Variants in ERC2 observed in about 807,000 individuals in gnomAD.
ERC2 encodes ELKS/RAB6-interacting/CAST family member 2.
ERC2 carries 42 observed loss-of-function variants against 114.8 expected under a neutral mutation model. The observed-to-expected ratio is 0.37, with a 90% CI of 0.29 to 0.47. ERC2 has a LOEUF of 0.47. Ranked by LOEUF, ERC2 falls within the 20% of genes least tolerant of loss-of-function variation. The pLI, the probability that ERC2 is intolerant of heterozygous loss-of-function variation, is 0.99. For missense variants in ERC2, 939 were observed against 1,150.7 expected, an observed-to-expected ratio of 0.82 and a Z score of 2.66; for synonymous variants, 454 against 425.5, an observed-to-expected ratio of 1.07 and a Z score of -0.82.
intron 14 of ERC2, among the ~76,000 whole-genome samples, chr3:55,828,468 G>GCAGCAGGCGCAGCAGGGGCAGCAGGGA (rs2060426490): frequency 6.6e-6 from 1 of 150,522 alleles, no homozygotes; most frequent in Non-Finnish European, 1.5e-5. Context: ...GGCAGCAGGG[G>GCAGCAGGCGCAGCAGGGGCAGCAGGGA]CAGCAGGGGC....
intron 3 of ERC2, among the ~76,000 whole-genome samples, chr3:56,229,879 T>C (rs2050501038): frequency 7.2e-6 from 1 of 139,176 alleles, no homozygotes; most frequent in Admixed American, 7.2e-5. Context: ...TTTTTTTTTT[T>C]TTTTTTTTTT....
intron 14 of ERC2, among the ~76,000 whole-genome samples, chr3:55,827,337 AG>A (rs1319981485): frequency 6.6e-6 from 1 of 151,922 alleles, no homozygotes; most frequent in East Asian, 1.9e-4. Flanking sequence ...AAAAAGAAAG[AG>A]GGACGGAGGA....
chr3:55,632,674 T>C (rs1472972217), intron 17 of ERC2, among the ~76,000 whole-genome samples: 1 of 152,160 alleles, frequency 6.6e-6, no homozygotes, highest in African/African-American at 2.4e-5. Context: ...CAAAAGAAGA[T>C]GTAACTCACC....
intron 2 of ERC2, among the ~76,000 whole-genome samples, chr3:56,357,238 C>T (rs1020334137): frequency 2.0e-5 from 3 of 152,228 alleles, no homozygotes; most frequent in Non-Finnish European, 4.4e-5. Context: ...TCTGGACTTA[C>T]CCACAGTAAC....
intron 17 of ERC2, among the ~76,000 whole-genome samples, chr3:55,625,079 T>C (rs903852665): frequency 6.6e-6 from 1 of 152,040 alleles, no homozygotes. Flanking sequence ...TTAAAAGAAA[T>C]AGCTTAGGCC....
rs577014048 is a variant in ERC2, at chr3:55,510,997, T to C, written c.*319A>G. 2 of 152,484 alleles carry C rather than the reference T, an allele frequency of 1.3e-5. No homozygotes were observed. Among genetic ancestry groups the C allele is most frequent in the South Asian group, 4.1e-4 (2 of 4,824 alleles). The allele number at this position is 152,484 out of a possible 1,614,324, so 9.4% of individuals were successfully genotyped here. A position where few individuals can be genotyped will look rare whatever the true frequency, so the allele number is the denominator to read the frequency against. ...TGACATTCAGCAAAGATGATCACAT[T>C]CAAAATGCCCGCATCCCAACAAAAA... On this transcript the variant is annotated 3_prime_UTR_variant, in exon 18 of 18. Transcript: ENST00000288221.
intron 3 of ERC2, among the ~76,000 whole-genome samples, chr3:56,204,260 G>A (rs540223614): frequency 3.9e-5 from 6 of 152,198 alleles, no homozygotes; most frequent in African/African-American, 1.4e-4. Context: ...TGAGGACAGG[G>A]GTTGTTTGTC....
At chr3:55,737,738 C>G (rs1481826667) in intron 14 of ERC2, among the ~76,000 whole-genome samples, 1 of 152,176 alleles carries the variant, frequency 6.6e-6, no homozygotes, top group Admixed American at 6.5e-5. Context: ...AAACAATTCT[C>G]TATGAGTCTC....
chr3:56,179,568 G>C (rs891771566), intron 3 of ERC2, among the ~76,000 whole-genome samples: 3 of 152,116 alleles, frequency 2.0e-5, no homozygotes, highest in Admixed American at 6.6e-5. Flanking sequence ...CATGGTAGCA[G>C]AGTGGAGGCA....
At chr3:55,819,933 G>A (rs918826114) in intron 14 of ERC2, among the ~76,000 whole-genome samples, 1 of 152,214 alleles carries the variant, frequency 6.6e-6, no homozygotes, top group Non-Finnish European at 1.5e-5. Context: ...CATTTTGGCT[G>A]CGTGCAATGG....
chr3:56,289,602 C>T (rs140609224), intron 3 of ERC2, among the ~76,000 whole-genome samples: 1 of 152,308 alleles, frequency 6.6e-6, no homozygotes, highest in East Asian at 1.9e-4. Context: ...CCAAACTCAC[C>T]GTGCCTCAAA....
intron 13 of ERC2, among the ~76,000 whole-genome samples, chr3:55,915,080 T>C (rs551882420): frequency 2.0e-5 from 3 of 152,298 alleles, no homozygotes; most frequent in East Asian, 3.9e-4. Flanking sequence ...ATCGTTGAAA[T>C]GCTCATATCC....
chr3:56,274,049 C>A (rs192248463), intron 3 of ERC2, among the ~76,000 whole-genome samples: 6 of 152,186 alleles, frequency 3.9e-5, no homozygotes, highest in Non-Finnish European at 7.3e-5. Flanking sequence ...GGTATCCAAA[C>A]TCCAGGCCGC....
intron 5 of ERC2, among the ~76,000 whole-genome samples, chr3:56,140,455 T>C (rs2080787999): frequency 6.6e-6 from 1 of 152,230 alleles, no homozygotes. Context: ...CTTTTTTTCC[T>C]ACTCAATCTT....
At chr3:56,257,040 A>G (rs781422081) in intron 3 of ERC2, among the ~76,000 whole-genome samples, 14 of 152,186 alleles carry the variant, frequency 9.2e-5, no homozygotes, top group Non-Finnish European at 1.6e-4. Context: ...ACCAGCTTCC[A>G]TATCTTTTAA....
rs2062003692 is a variant in ERC2, at chr3:56,436,040, G to C, written c.-140-893C>G. On this transcript the variant is annotated intron_variant, in intron 1 of 17. Coordinates refer to ENST00000288221, the MANE Select transcript of ERC2 (RefSeq NM_015576.3). ...ACTAGTGAAGATTTTATGTAGCTGG[G>C]GCTACAGCATTGTGAGTATCCCTTC... Among the ~76,000 whole-genome samples, 3 of 152,108 alleles carry C rather than the reference G, an allele frequency of 2.0e-5. No individual in the cohort carries two copies. In the South Asian group the frequency reaches 6.2e-4, roughly 32 times the overall value.
chr3:56,271,227 TC>T (rs2053636008), intron 3 of ERC2, among the ~76,000 whole-genome samples: 2 of 152,140 alleles, frequency 1.3e-5, no homozygotes, highest in Non-Finnish European at 2.9e-5. Context: ...TCCCAGGATT[TC>T]CCCAGCCTTA....
intron 14 of ERC2, among the ~76,000 whole-genome samples, chr3:55,745,029 T>A (rs573486614): frequency 3.7e-4 from 57 of 152,358 alleles, no homozygotes; most frequent in Non-Finnish European, 2.9e-5. Flanking sequence ...ATAGTGAATA[T>A]ATCTAAACAT....
At chr3:55,639,458 G>C (rs558568165) in intron 17 of ERC2, among the ~76,000 whole-genome samples, 3 of 152,240 alleles carry the variant, frequency 2.0e-5, no homozygotes, top group African/African-American at 7.2e-5. Context: ...GGAGCCTACA[G>C]GAGGGAGAGA....
Sources: allele counts gnomAD v4.1 joint callset (sites outside exome capture counted in the v4.1 genomes callset), GRCh38; gene constraint gnomAD v4.1.1; transcripts MANE v1.5; gene names NCBI Gene and HGNC (gene_info 2026-07-23, HGNC 2026-07-21).